Variants in PID1 observed in about 807,000 individuals in gnomAD.
The protein encoded by PID1 is phosphotyrosine interaction domain containing 1, also known as PTB-containing, cubilin and LRP1-interacting protein.
In PID1, 10 loss-of-function variants were observed where a neutral mutation model predicts 19.1. That is an observed-to-expected ratio of 0.52 (90% confidence interval 0.32 to 0.89). The LOEUF is 0.89. Ranked by LOEUF, PID1 falls within the 40% of genes least tolerant of loss-of-function variation. The pLI, the probability that PID1 is intolerant of heterozygous loss-of-function variation, is 0.03. For missense variants in PID1, 248 were observed against 285.3 expected (o/e 0.87, Z 0.94); for synonymous variants, 130 against 116.0 (o/e 1.12, Z -0.78).
chr2:229,092,974 C>T (rs1169537592), intron 2 of PID1, among the ~76,000 whole-genome samples: 1 of 152,108 alleles, frequency 6.6e-6, no homozygotes, highest in Non-Finnish European at 1.5e-5. Context: ...CACTGAATGC[C>T]ATTCTCTATC....
chr2:229,166,322 G>A (rs1458417041), intron 1 of PID1, among the ~76,000 whole-genome samples: 2 of 151,114 alleles, frequency 1.3e-5, no homozygotes, highest in Admixed American at 1.3e-4. Flanking sequence ...ACGAAGAGAG[G>A]AGAGTGAGGT....
rs1693389636 is a variant in PID1, at chr2:229,025,355, G to C, written c.*277C>G. The C allele has an allele frequency of 2.5e-6, 1 of 396,466 alleles. No individual in the cohort carries two copies. The highest frequency in any genetic ancestry group is 2.5e-5 in the African/African-American group (1 of 40,760). The allele number at this position is 396,466 out of a possible 1,614,324, so 24.6% of individuals were successfully genotyped here. ...AACTGGCATGGAGCTCTCCCACAGA[G>C]AGGCATTGGGAAATGAGAAAAATAA... On this transcript the variant is annotated 3_prime_UTR_variant, in exon 3 of 3. Coordinates refer to ENST00000392055, the MANE Select transcript of PID1 (RefSeq NM_001100818.2).
intron 1 of PID1, among the ~76,000 whole-genome samples, chr2:229,172,204 C>T (rs1409015256): frequency 1.3e-5 from 2 of 152,202 alleles, no homozygotes; most frequent in African/African-American, 4.8e-5. Flanking sequence ...GAAGAAGGAC[C>T]TCTCTACCCT....
chr2:229,029,668 C>A (rs71415706), intron 2 of PID1, among the ~76,000 whole-genome samples: 1 of 151,694 alleles, frequency 6.6e-6, no homozygotes, highest in Non-Finnish European at 1.5e-5. Flanking sequence ...GATGAAACTC[C>A]GTCTCTACTA....
Position 229,155,086 on chromosome 2 carries a change from G to A in PID1, c.177+732C>T, listed in dbSNP as rs574005550. 1.7e-3 allele frequency among the ~76,000 whole-genome samples: 257 copies of A among 152,240 alleles called. 1 individual carries two copies. Among genetic ancestry groups the A allele is most frequent in the Non-Finnish European group, 3.0e-3 (204 of 68,020 alleles). ...CTGCAAAATTATCCCTAAAGGATTT[G>A]GAGAGTATAACTGTTAGAAAACTTG... On this transcript the variant is annotated intron_variant, in intron 2 of 2. Coordinates refer to ENST00000392055, the MANE Select transcript of PID1 (RefSeq NM_001100818.2).
chr2:229,076,835 G>C (rs1477516971), intron 2 of PID1, among the ~76,000 whole-genome samples: 1 of 152,102 alleles, frequency 6.6e-6, no homozygotes, highest in African/African-American at 2.4e-5. Context: ...TTGTTATTGT[G>C]AATAGTACTG....
intron 2 of PID1, among the ~76,000 whole-genome samples, chr2:229,030,402 A>G (rs1222487125): frequency 6.6e-6 from 1 of 152,200 alleles, no homozygotes; most frequent in Non-Finnish European, 1.5e-5. Context: ...AAAAATGGTT[A>G]AGATGGTAAG....
intron 2 of PID1, among the ~76,000 whole-genome samples, chr2:229,064,671 A>G (rs1694284292): frequency 6.6e-6 from 1 of 152,218 alleles, no homozygotes; most frequent in Non-Finnish European, 1.5e-5. Flanking sequence ...TTGAAGAGTC[A>G]CACTGCAACT....
At chr2:229,065,712 C>CAAAAAAA (rs71988256) in intron 2 of PID1, among the ~76,000 whole-genome samples, 3 of 103,958 alleles carry the variant, frequency 2.9e-5, no homozygotes, top group South Asian at 3.4e-4. Context: ...TTGTGATTTA[C>CAAAAAAA]AAAAAAAAAA....
At chr2:229,186,616 T>G (rs1245123256) in intron 1 of PID1, among the ~76,000 whole-genome samples, 2 of 152,186 alleles carry the variant, frequency 1.3e-5, no homozygotes, top group African/African-American at 4.8e-5. Context: ...CTAGGCTGCA[T>G]ACAGCACAGT....
At chr2:229,183,036 C>T (rs915049867) in intron 1 of PID1, among the ~76,000 whole-genome samples, 5 of 152,136 alleles carry the variant, frequency 3.3e-5, no homozygotes, top group Non-Finnish European at 7.3e-5. Context: ...CTCATGGATG[C>T]GACCTTATTT....
intron 2 of PID1, among the ~76,000 whole-genome samples, chr2:229,055,004 A>G (rs1356811959): frequency 1.3e-5 from 2 of 152,226 alleles, no homozygotes. Flanking sequence ...AACAGAGGTC[A>G]GCATCCGTGC....
intron 1 of PID1, among the ~76,000 whole-genome samples, chr2:229,162,823 A>G (rs1690516413): frequency 6.6e-6 from 1 of 152,240 alleles, no homozygotes; most frequent in South Asian, 2.1e-4. Context: ...CTATGAGAAA[A>G]GAAACCATAG....
intron 2 of PID1, among the ~76,000 whole-genome samples, chr2:229,139,542 A>G (rs1689968262): frequency 6.6e-6 from 1 of 152,144 alleles, no homozygotes; most frequent in Non-Finnish European, 1.5e-5. Context: ...ACAAACAACG[A>G]ACAAAAAAGC....
At chr2:229,265,530 T>C (rs1208973302) in intron 1 of PID1, among the ~76,000 whole-genome samples, 1 of 152,220 alleles carries the variant, frequency 6.6e-6, no homozygotes, top group East Asian at 1.9e-4. Flanking sequence ...AGTAGACTAA[T>C]TCCACTAGAC....
intron 2 of PID1, among the ~76,000 whole-genome samples, chr2:229,059,033 G>T (rs1346168066): frequency 6.6e-6 from 1 of 152,120 alleles, no homozygotes; most frequent in Non-Finnish European, 1.5e-5. Context: ...GTTATTTCGA[G>T]ATTCTTGAAC....
intron 2 of PID1, among the ~76,000 whole-genome samples, chr2:229,051,374 G>A (rs1693992379): frequency 6.6e-6 from 1 of 152,128 alleles, no homozygotes; most frequent in South Asian, 2.1e-4. Context: ...GTCTTACTCT[G>A]TTGCCCCGGC....
chr2:229,103,421 C>A (rs1200530141), intron 2 of PID1, among the ~76,000 whole-genome samples: 1 of 152,166 alleles, frequency 6.6e-6, no homozygotes, highest in South Asian at 2.1e-4. Flanking sequence ...AGAGCTGAAA[C>A]CCTGAACCCT....
At chr2:229,217,603 G>A (rs1370722153) in intron 1 of PID1, among the ~76,000 whole-genome samples, 2 of 152,048 alleles carry the variant, frequency 1.3e-5, no homozygotes, top group Admixed American at 6.6e-5. Context: ...GTGTATAATT[G>A]GTAATTTACA....
Sources: gnomAD v4.1 joint callset for allele counts (sites outside exome capture counted in the v4.1 genomes callset) on GRCh38, gnomAD v4.1.1 for gene constraint, MANE v1.5 for transcripts, NCBI Gene and HGNC (gene_info 2026-07-23, HGNC 2026-07-21) for gene names.